The following SEC14L4 variants were observed in gnomAD, a reference collection of about 807,000 sequenced individuals.
SEC14L4 encodes the protein SEC14 like lipid binding 4, also known as SEC14-like protein 4.
Under a neutral mutation model 55.1 loss-of-function variants are expected in SEC14L4, and 42 were observed. The ratio of observed to expected loss-of-function variants is 0.76; its 90% CI spans 0.60 to 0.99. SEC14L4 has a LOEUF of 0.99. Among genes scored for constraint, SEC14L4 ranks in the 50% least tolerant of loss-of-function variants. The pLI, the probability that SEC14L4 is intolerant of heterozygous loss-of-function variation, is 0.00. For synonymous variants in SEC14L4, 206 were observed against 206.8 expected (o/e 1.00, Z 0.03); for missense variants, 445 against 512.1 (o/e 0.87, Z 1.27).
intron 2 of SEC14L4, among the ~76,000 whole-genome samples, chr22:30,498,585 G>A (rs1936221654): frequency 6.6e-6 from 1 of 152,090 alleles, no homozygotes; most frequent in Non-Finnish European, 1.5e-5. Flanking sequence ...AAGGTCTCCA[G>A]TTCTACATTT....
chr22:30,496,565 C>A (rs1250391297), intron 2 of SEC14L4, among the ~76,000 whole-genome samples: 2 of 152,082 alleles, frequency 1.3e-5, no homozygotes, highest in African/African-American at 4.8e-5. Context: ...AGAGACACCC[C>A]CCCCCACCAC....
intron 2 of SEC14L4, 96 bp downstream of exon 2, chr22:30,503,581 C>T: frequency 1.2e-6 from 1 of 845,220 alleles, no homozygotes; most frequent in Non-Finnish European, 1.9e-6. Context: ...TTCTTTACTA[C>T]CCTACAGCTC....
rs1568949310 is a variant in SEC14L4 at position 30,501,852 on chromosome 22, TATATATATATATATATATATATAC to T, written c.130+1801_130+1824del. On this transcript the variant is annotated intron_variant, in intron 2 of 11. Coordinates refer to ENST00000255858, the MANE Select transcript of SEC14L4 (RefSeq NM_174977.4). Reference sequence around the variant, plus strand: ...ATATATACACACACACGCACATATATATATATATATATATATATATATACATACACATACTTTTTTTTTTAAGAC... The same window carrying T: ...ATATATACACACACACGCACATATATATACACATACTTTTTTTTTTAAGAC... Among the ~76,000 whole-genome samples the T allele has an allele frequency of 1.2e-4, 17 of 139,516 alleles. 1 individual carries two copies. The highest frequency in any genetic ancestry group is 4.0e-4 in the African/African-American group (15 of 37,566). The allele number at this position is 139,516 out of a possible 152,430, so 91.5% of individuals were successfully genotyped here. A position where few individuals can be genotyped will look rare whatever the true frequency, so the allele number is the denominator to read the frequency against.
At chr22:30,493,770 G>A (rs572428262) in intron 7 of SEC14L4, among the ~76,000 whole-genome samples, 14 of 152,268 alleles carry the variant, frequency 9.2e-5, no homozygotes, top group East Asian at 1.9e-4. Flanking sequence ...GTGGGAGGCC[G>A]AAGTGGCTGG....
In SEC14L4 at chr22:30,494,974, G is replaced by C. The variant is rs1936090131; in HGVS notation, c.424-13C>G. On this transcript the variant is annotated splice_polypyrimidine_tract_variant and intron_variant, in intron 5 of 11. Coordinates refer to ENST00000255858, the MANE Select transcript of SEC14L4 (RefSeq NM_174977.4). ...TCTTCCTGCCCAGCTGCTTGGGACA[G>C]AGTCATATAGGTCAGACGACAGCTC... The C allele has an allele frequency of 3.1e-6, 5 of 1,609,626 alleles. No homozygotes were observed. In the East Asian group the frequency reaches 1.1e-4, roughly 36 times the overall value.
Position 30,496,002 on chromosome 22 carries a change from A to T in SEC14L4, c.131-31T>A, listed in dbSNP as rs1279777791. ...AGAAGAGGAGGTAAATAGAAGCTCAAGGCTAGATCCAGAAAGAGCCCTTCC... is the reference window on the plus strand; with the variant it reads ...AGAAGAGGAGGTAAATAGAAGCTCATGGCTAGATCCAGAAAGAGCCCTTCC... On this transcript the variant is annotated intron_variant, in intron 2 of 11. Transcript: ENST00000255858. 1.9e-6 allele frequency: 3 copies of T among 1,608,970 alleles called. No individual in the cohort carries two copies. In the Admixed American group the frequency reaches 5.0e-5, roughly 27 times the overall value.
intron 2 of SEC14L4, among the ~76,000 whole-genome samples, chr22:30,496,266 C>T (rs1051355401): frequency 1.3e-5 from 2 of 150,980 alleles, no homozygotes; most frequent in Admixed American, 1.3e-4. Flanking sequence ...GGCCACACCA[C>T]CATGCCTGGC....
At chr22:30,500,191 G>T (rs576395050) in intron 2 of SEC14L4, among the ~76,000 whole-genome samples, 175 of 152,114 alleles carry the variant, frequency 1.2e-3, no homozygotes, top group Non-Finnish European at 2.0e-3. Flanking sequence ...AAACTCTGGC[G>T]GAATTCATCT....
At position 30,505,415 on chromosome 22, in the gene SEC14L4, G is replaced by A. The variant is rs909368470; in HGVS notation, c.54+143C>T. The A allele has an allele frequency of 1.5e-5, 13 of 863,216 alleles. No homozygotes were observed. In the Admixed American group the frequency reaches 2.4e-4, roughly 16 times the overall value. The allele number at this position is 863,216 out of a possible 1,614,324, so 53.5% of individuals were successfully genotyped here. ...GCTGCACGTAGCCGCCTCAACAACC[G>A]CACGCTGGACCAGAGGGCAGAACAG... On this transcript the variant is annotated intron_variant, in intron 1 of 11. Coordinates refer to ENST00000255858, the MANE Select transcript of SEC14L4 (RefSeq NM_174977.4).
chr22:30,501,070 CA>C (rs1469892242), intron 2 of SEC14L4, among the ~76,000 whole-genome samples: 3 of 151,988 alleles, frequency 2.0e-5, no homozygotes, highest in Non-Finnish European at 2.9e-5. Flanking sequence ...TAAATAAAAA[CA>C]AAGGAAAAGA....
intron 11 of SEC14L4, 142 bp downstream of exon 11, chr22:30,491,431 C>T: frequency 3.5e-6 from 3 of 860,376 alleles, no homozygotes; most frequent in Admixed American, 2.6e-5. Context: ...CAGGTAGGGG[C>T]CACTCATCTG....
chr22:30,495,808 C>G (rs1273303872), intron 3 of SEC14L4, 120 bp downstream of exon 3: 3 of 1,589,998 alleles, frequency 1.9e-6, no homozygotes, highest in Non-Finnish European at 2.6e-6. Flanking sequence ...AGAAAGAGAT[C>G]GGGGGAGGAA....
intron 11 of SEC14L4, 160 bp from the exon 12 acceptor site, chr22:30,490,406 G>A: frequency 8.2e-7 from 1 of 1,213,780 alleles, no homozygotes; most frequent in Non-Finnish European, 1.1e-6. Context: ...CAGGACAGTG[G>A]GTGGGGCCTG....
rs200877889 is a variant in SEC14L4, at chr22:30,503,754, T to C, written c.55-2A>G. 7.4e-6 allele frequency: 12 copies of C among 1,611,024 alleles called. No individual in the cohort carries two copies. Among genetic ancestry groups the C allele is most frequent in the Non-Finnish European group, 1.0e-5 (12 of 1,178,122 alleles). On this transcript the variant is annotated splice_acceptor_variant, in intron 1 of 11. Coordinates refer to ENST00000255858, the MANE Select transcript of SEC14L4 (RefSeq NM_174977.4). LOFTEE classifies it high-confidence loss of function. The stretch of plus-strand genomic sequence containing the variant: ...CAGGTCCTGGAGGTTCTCCCGGAAC[T>C]GAGCGGAGGAGGATCTGATGGTCGG...
At chr22:30,492,392 C>T (rs140549169) in intron 8 of SEC14L4, 82 bp downstream of exon 8, 16,482 of 1,355,352 alleles carry the variant, frequency 0.012, 150 homozygotes, top group Non-Finnish European at 0.013. Flanking sequence ...GAGTAGAGGA[C>T]GAGCCAGGGA....
intron 2 of SEC14L4, among the ~76,000 whole-genome samples, chr22:30,502,903 T>C (rs77081537): frequency 0.011 from 1,729 of 152,342 alleles, 28 homozygotes; most frequent in African/African-American, 0.039. Flanking sequence ...ACTGCTTCTC[T>C]AGCATTCGCT....
In SEC14L4 at chr22:30,490,104, T is replaced by C. The variant is rs1460973913; in HGVS notation, c.*3A>G. 1 of 1,613,290 alleles carries C rather than the reference T, an allele frequency of 6.2e-7. No individual in the cohort carries two copies. The highest frequency in any genetic ancestry group is 8.5e-7 in the Non-Finnish European group (1 of 1,179,646). ...AGTGCACAGGTAGAGGTGGCTGGGG[T>C]CTTCACTGTGTTGGGGAGGGTCTCA... On this transcript the variant is annotated 3_prime_UTR_variant, in exon 12 of 12. Coordinates refer to ENST00000255858, the MANE Select transcript of SEC14L4 (RefSeq NM_174977.4).
chr22:30,491,427 G>A (rs111263559), intron 11 of SEC14L4, 146 bp downstream of exon 11: 8 of 827,774 alleles, frequency 9.7e-6, no homozygotes, highest in African/African-American at 6.9e-5. Context: ...CCTACAGGTA[G>A]GGGCCACTCA....
At position 30,489,993 on chromosome 22, in the gene SEC14L4, G is replaced by A. The variant is rs17670808; in HGVS notation, c.*114C>T. ...GCCTACAATGAGATGAAATGGTGAC[G>A]TGGGACAAGTGGCTCTCTGCAGCCA... On this transcript the variant is annotated 3_prime_UTR_variant, in exon 12 of 12. Coordinates refer to ENST00000255858, the MANE Select transcript of SEC14L4 (RefSeq NM_174977.4). 0.21 allele frequency: 333,854 copies of A among 1,558,938 alleles called. 37,848 individuals carry two copies. The highest frequency in any genetic ancestry group is 0.25 in the Admixed American group (12,888 of 51,520).
Sources: gnomAD v4.1 joint callset for allele counts (sites outside exome capture counted in the v4.1 genomes callset) on GRCh38, gnomAD v4.1.1 for gene constraint, MANE v1.5 for transcripts, NCBI Gene and HGNC (gene_info 2026-07-23, HGNC 2026-07-21) for gene names.